ITPR2: variants seen among roughly 807,000 people sequenced by gnomAD.
ITPR2 encodes the protein inositol 1,4,5-trisphosphate receptor type 2, also known as inositol 1,4,5-trisphosphate-gated calcium channel ITPR2.
ITPR2 carries 207 observed loss-of-function variants against 317.1 expected under a neutral mutation model. The ratio of observed to expected loss-of-function variants is 0.65; its 90% CI spans 0.58 to 0.73. The LOEUF is 0.73. ITPR2 is among the 30% of genes least tolerant of loss of function. The pLI is 0.00. For synonymous variants in ITPR2, 1,156 were observed against 1,149.1 expected (o/e 1.01, Z -0.12); for missense variants, 2,613 against 3,284.0 (o/e 0.80, Z 4.99).
At chr12:26,757,725 T>C (rs1221903031) in intron 2 of ITPR2, among the ~76,000 whole-genome samples, 3 of 152,226 alleles carry the variant, frequency 2.0e-5, no homozygotes, top group Admixed American at 6.5e-5. Flanking sequence ...TGGTTGGTTC[T>C]CACACTTTGC....
chr12:26,343,399 G>C (rs1023297330), intron 55 of ITPR2, among the ~76,000 whole-genome samples: 5 of 152,174 alleles, frequency 3.3e-5, no homozygotes, highest in African/African-American at 1.2e-4. Flanking sequence ...CACTGAACTT[G>C]GGAAGTTAGT....
intron 9 of ITPR2, among the ~76,000 whole-genome samples, chr12:26,701,349 A>G (rs1403342752): frequency 6.6e-6 from 1 of 152,206 alleles, no homozygotes; most frequent in African/African-American, 2.4e-5. Flanking sequence ...AATTTTTATT[A>G]TATATAACAC....
At chr12:26,645,974 T>C (rs1947104283) in intron 21 of ITPR2, among the ~76,000 whole-genome samples, 1 of 146,562 alleles carries the variant, frequency 6.8e-6, no homozygotes, top group Non-Finnish European at 1.5e-5. Flanking sequence ...TCTTTCCTTT[T>C]TTTTTTTTTT....
chr12:26,396,820 TC>T (rs1427199894), intron 54 of ITPR2, among the ~76,000 whole-genome samples: 1 of 152,236 alleles, frequency 6.6e-6, no homozygotes, highest in South Asian at 2.1e-4. Flanking sequence ...ATTGTTTTTT[TC>T]ATCTATTCTC....
At chr12:26,487,936 A>G (rs991153901) in intron 39 of ITPR2, among the ~76,000 whole-genome samples, 3 of 152,176 alleles carry the variant, frequency 2.0e-5, no homozygotes, top group Admixed American at 6.5e-5. Context: ...TAAAATAAAT[A>G]TAGTCAATAA....
intron 54 of ITPR2, among the ~76,000 whole-genome samples, chr12:26,392,358 C>T (rs966816311): frequency 1.3e-5 from 2 of 152,304 alleles, no homozygotes; most frequent in African/African-American, 4.8e-5. Flanking sequence ...TCTCATCATT[C>T]GCCAAATACA....
chr12:26,535,751 T>C (rs756522308), intron 37 of ITPR2, among the ~76,000 whole-genome samples: 3 of 152,234 alleles, frequency 2.0e-5, no homozygotes, highest in Non-Finnish European at 4.4e-5. Context: ...TTAGACATTA[T>C]ATGGCTTCCA....
At chr12:26,716,014 A>G (rs1163877484) in intron 6 of ITPR2, 130 bp downstream of exon 6, 2 of 720,614 alleles carry the variant, frequency 2.8e-6, no homozygotes, top group African/African-American at 3.6e-5. Flanking sequence ...AGCTATATGT[A>G]CCTTAGGGAT....
At chr12:26,729,341 T>G in intron 2 of ITPR2, among the ~76,000 whole-genome samples, 1 of 152,072 alleles carries the variant, frequency 6.6e-6, no homozygotes, top group Admixed American at 6.5e-5. Flanking sequence ...GAAGAAAAAT[T>G]AACACTTCTA....
rs1491334003 is a variant in ITPR2 at position 26,486,425 on chromosome 12, AAC to A, written c.5555-67_5555-66del. On this transcript the variant is annotated intron_variant, in intron 40 of 56. Transcript: ENST00000381340. ...TGCTTTTACTAATTAAAAAAAAAAAAACAAACCAGGTACCCAAATTCTCTAAC... is the reference window on the plus strand; with the variant it reads ...TGCTTTTACTAATTAAAAAAAAAAAAAAACCAGGTACCCAAATTCTCTAAC... 240 of 1,336,762 alleles carry A rather than the reference AAC, an allele frequency of 1.8e-4. No individual in the cohort carries two copies. In the African/African-American group the frequency reaches 2.2e-3, roughly 12 times the overall value. 82.8% of individuals were successfully genotyped at this position (1,336,762 alleles called of 1,614,324 possible). A position where few individuals can be genotyped will look rare whatever the true frequency, so the allele number is the denominator to read the frequency against.
At chr12:26,476,665 T>C (rs1047151519) in intron 44 of ITPR2, among the ~76,000 whole-genome samples, 1 of 152,198 alleles carries the variant, frequency 6.6e-6, no homozygotes, top group Non-Finnish European at 1.5e-5. Flanking sequence ...TATAGTTTAG[T>C]ATAGTGTGAT....
chr12:26,552,900 G>A (rs1164199875), intron 36 of ITPR2, among the ~76,000 whole-genome samples: 1 of 152,072 alleles, frequency 6.6e-6, no homozygotes, highest in African/African-American at 2.4e-5. Flanking sequence ...CAACCATAAG[G>A]TTGAATGACC....
At chr12:26,623,269 C>T (rs1946541473) in intron 24 of ITPR2, 1 of 152,174 alleles carries the variant, frequency 6.6e-6, no homozygotes, top group Admixed American at 6.5e-5. Context: ...TTTGTGTCAT[C>T]CTGCCTGTCC....
At chr12:26,731,797 C>T (rs1418404269) in intron 2 of ITPR2, among the ~76,000 whole-genome samples, 1 of 152,084 alleles carries the variant, frequency 6.6e-6, no homozygotes, top group Non-Finnish European at 1.5e-5. Flanking sequence ...GACCTTGTCT[C>T]TTACAAAATA....
At chr12:26,460,230 C>T (rs367763394) in intron 45 of ITPR2, among the ~76,000 whole-genome samples, 4 of 152,298 alleles carry the variant, frequency 2.6e-5, no homozygotes, top group African/African-American at 9.6e-5. Flanking sequence ...TTATGGCACC[C>T]TAGCTATTCT....
intron 37 of ITPR2, among the ~76,000 whole-genome samples, chr12:26,545,169 A>C (rs1455709683): frequency 6.6e-6 from 1 of 152,170 alleles, no homozygotes; most frequent in East Asian, 1.9e-4. Context: ...AAAGATGCAC[A>C]TGTCCTCATG....
At chr12:26,591,592 G>A (rs1591937633) in intron 32 of ITPR2, among the ~76,000 whole-genome samples, 2 of 152,248 alleles carry the variant, frequency 1.3e-5, no homozygotes, top group South Asian at 4.1e-4. Context: ...TACTTTGGGA[G>A]GCCGAGATGG....
At chr12:26,477,747 A>G (rs992361775) in intron 43 of ITPR2, among the ~76,000 whole-genome samples, 1 of 152,184 alleles carries the variant, frequency 6.6e-6, no homozygotes, top group African/African-American at 2.4e-5. Flanking sequence ...GATACAATTT[A>G]TAATCCAAAA....
chr12:26,541,905 T>C (rs1484238792), intron 37 of ITPR2, among the ~76,000 whole-genome samples: 1 of 152,082 alleles, frequency 6.6e-6, no homozygotes, highest in Non-Finnish European at 1.5e-5. Context: ...AAAGAGGACA[T>C]CTTAAAAATA....
Sources: gnomAD v4.1 joint callset for allele counts (sites outside exome capture counted in the v4.1 genomes callset) on GRCh38, gnomAD v4.1.1 for gene constraint, MANE v1.5 for transcripts, NCBI Gene and HGNC (gene_info 2026-07-23, HGNC 2026-07-21) for gene names.